The following ENTREP2 variants were observed in gnomAD, a reference collection of about 807,000 sequenced individuals.
ENTREP2 encodes protein ENTREP2.
At chr15:29,485,214 G>A in the ENTREP2 span, among the ~76,000 whole-genome samples, 1 of 152,168 alleles carries the variant, frequency 6.6e-6, no homozygotes, top group African/African-American at 2.4e-5. Context: ...GGAATGGAGA[G>A]AAAGGTAAAA....
chr15:29,405,336 C>A, the ENTREP2 span, among the ~76,000 whole-genome samples: 2 of 151,600 alleles, frequency 1.3e-5, no homozygotes, highest in Non-Finnish European at 2.9e-5. Context: ...TTGCAGTGAG[C>A]CAAGATTGCA....
the ENTREP2 span, among the ~76,000 whole-genome samples, chr15:29,239,343 A>G: frequency 5.9e-5 from 9 of 152,176 alleles, no homozygotes; most frequent in Non-Finnish European, 1.3e-4. Context: ...ACCTCCCAGA[A>G]ACCACGCATC....
chr15:29,585,712 C>T, the ENTREP2 span, among the ~76,000 whole-genome samples: 5 of 152,046 alleles, frequency 3.3e-5, no homozygotes, highest in Non-Finnish European at 5.9e-5. Flanking sequence ...AAAAATTAGC[C>T]GGGCGCGGTG....
the ENTREP2 span, among the ~76,000 whole-genome samples, chr15:29,251,668 A>G: frequency 6.6e-6 from 1 of 151,468 alleles, no homozygotes; most frequent in Non-Finnish European, 1.5e-5. Context: ...TACACAGCAC[A>G]CTGTCTACAA....
At chr15:29,235,089 T>C in the ENTREP2 span, 1 of 1,075,862 alleles carries the variant, frequency 9.3e-7, no homozygotes, top group Non-Finnish European at 1.4e-6. Context: ...CCGAGGGACC[T>C]TTTCCTCATG....
chr15:29,269,813 G>T, the ENTREP2 span: 1 of 1,047,180 alleles, frequency 9.5e-7, no homozygotes. Flanking sequence ...GCGCAGTGTC[G>T]GCTGAGACTG....
chr15:29,622,948 G>A, the ENTREP2 span, among the ~76,000 whole-genome samples: 118 of 152,282 alleles, frequency 7.7e-4, no homozygotes, highest in South Asian at 1.9e-3. Flanking sequence ...CTTCCTTTGG[G>A]AAGCTGGGTG....
the ENTREP2 span, among the ~76,000 whole-genome samples, chr15:29,651,951 A>T: frequency 6.6e-6 from 1 of 152,168 alleles, no homozygotes; most frequent in Non-Finnish European, 1.5e-5. Context: ...GCTGGAGAAG[A>T]TCTGAAGCCT....
chr15:29,351,972 T>C, the ENTREP2 span, among the ~76,000 whole-genome samples: 1 of 152,068 alleles, frequency 6.6e-6, no homozygotes, highest in Non-Finnish European at 1.5e-5. Flanking sequence ...TCTTGCTATG[T>C]TGCCCAGGCA....
At chr15:29,641,065 G>A in the ENTREP2 span, among the ~76,000 whole-genome samples, 3 of 152,014 alleles carry the variant, frequency 2.0e-5, no homozygotes, top group African/African-American at 7.2e-5. Flanking sequence ...TACAATAAAG[G>A]AAAAAACACA....
At chr15:29,475,111 T>G in the ENTREP2 span, among the ~76,000 whole-genome samples, 1 of 151,990 alleles carries the variant, frequency 6.6e-6, no homozygotes, top group Non-Finnish European at 1.5e-5. Flanking sequence ...CATGCGGCAC[T>G]GAGCGAGAGT....
chr15:29,196,473 T>C, the ENTREP2 span: 1 of 1,551,628 alleles, frequency 6.4e-7, no homozygotes. Flanking sequence ...CTGCAGCGGG[T>C]TCAGCTTCAG....
chr15:29,492,287 AT>A, the ENTREP2 span, among the ~76,000 whole-genome samples: 2 of 152,250 alleles, frequency 1.3e-5, no homozygotes, highest in Non-Finnish European at 2.9e-5. Context: ...TGAGGAAAAC[AT>A]CAGCTCATGT....
At chr15:29,293,402 C>T in the ENTREP2 span, among the ~76,000 whole-genome samples, 1 of 151,006 alleles carries the variant, frequency 6.6e-6, no homozygotes, top group Admixed American at 6.6e-5. Context: ...CGCCCGCCAC[C>T]ATGCCTGGCT....
chr15:29,465,521 T>C, the ENTREP2 span, among the ~76,000 whole-genome samples: 458 of 152,274 alleles, frequency 3.0e-3, 2 homozygotes, highest in African/African-American at 0.01. Context: ...CATAAACACC[T>C]TCTGATACCC....
the ENTREP2 span, among the ~76,000 whole-genome samples, chr15:29,582,105 C>A: frequency 6.6e-6 from 1 of 152,088 alleles, no homozygotes; most frequent in Non-Finnish European, 1.5e-5. Flanking sequence ...CCATGCCCGG[C>A]TAATTTTTTT....
the ENTREP2 span, among the ~76,000 whole-genome samples, chr15:29,505,693 A>T: frequency 6.6e-6 from 1 of 152,212 alleles, no homozygotes; most frequent in African/African-American, 2.4e-5. This position sits in a 1 kb window ranked among gnomAD's most constrained non-coding sequence, Gnocchi z 4.3. Flanking sequence ...GAAAACTAAC[A>T]AACAGAAAGC....
the ENTREP2 span, among the ~76,000 whole-genome samples, chr15:29,671,068 C>A: frequency 6.6e-6 from 1 of 152,138 alleles, no homozygotes; most frequent in African/African-American, 2.4e-5. Context: ...GGGTTAATCA[C>A]CAGTGGTCAA....
the ENTREP2 span, among the ~76,000 whole-genome samples, chr15:29,189,456 T>C: frequency 1.3e-5 from 2 of 151,104 alleles, no homozygotes; most frequent in Admixed American, 1.3e-4. Flanking sequence ...GAGACAAAGA[T>C]AAGAAAGCAC....
Sources: gnomAD v4.1 joint callset for allele counts (sites outside exome capture counted in the v4.1 genomes callset) on GRCh38, gnomAD v4.1.1 for gene constraint, Gnocchi (gnomAD v3.1) non-coding constraint, MANE v1.5 for transcripts, NCBI Gene and HGNC (gene_info 2026-07-23, HGNC 2026-07-21) for gene names.